CPLANE1: variants seen among roughly 807,000 people sequenced by gnomAD.
CPLANE1 encodes the protein ciliogenesis and planar polarity effector 1.
Under a neutral mutation model 362.5 loss-of-function variants are expected in CPLANE1, and 263 were observed. The ratio of observed to expected loss-of-function variants is 0.73; its 90% CI spans 0.66 to 0.80. The LOEUF (loss-of-function observed/expected upper bound fraction) is 0.80. Among genes scored for constraint, CPLANE1 ranks in the 30% least tolerant of loss-of-function variants. The pLI is 0.00. For synonymous variants in CPLANE1, 1,212 were observed against 1,302.6 expected (o/e 0.93, Z 1.50); for missense variants, 3,461 against 3,793.4 (o/e 0.91, Z 2.30).
chr5:37,184,682 A>T, intron 25 of CPLANE1, 106 bp downstream of exon 25: 1 of 847,710 alleles, frequency 1.2e-6, no homozygotes, highest in Middle Eastern at 3.6e-4. Flanking sequence ...TATTATTAAT[A>T]GCACAATCAG....
chr5:37,174,474 A>C (rs1239947357), intron 31 of CPLANE1, among the ~76,000 whole-genome samples: 1 of 152,216 alleles, frequency 6.6e-6, no homozygotes. Context: ...TTTCATTTCC[A>C]AGCAAACCTC....
chr5:37,238,656 C>T (rs1799600171), intron 8 of CPLANE1, among the ~76,000 whole-genome samples: 1 of 151,116 alleles, frequency 6.6e-6, no homozygotes, highest in African/African-American at 2.4e-5. Context: ...CCACCATGCT[C>T]GGCTAATTTC....
At chr5:37,137,241 C>T (rs992704576) in intron 46 of CPLANE1, among the ~76,000 whole-genome samples, 1 of 152,184 alleles carries the variant, frequency 6.6e-6, no homozygotes, top group Middle Eastern at 3.2e-3. Flanking sequence ...CTACCAGTCT[C>T]GTTGCTAAAA....
In CPLANE1 at chr5:37,108,452, A is replaced by G; in HGVS notation, c.9420T>C (p.His3140=). The part of the protein sequence containing the change: ...TFQKGSNAPC[H]SLQHTKKHGS... ...CATGTTTTTTTGTATGCTGCAGACT[A>G]TGACACGGAGCATTAGAGCCTTTTA... The change falls in exon 52 of 53, where the codon CAT becomes CAC. Residue 3140 remains histidine, a synonymous_variant. Coordinates refer to ENST00000651892, the MANE Select transcript of CPLANE1 (RefSeq NM_001384732.1). 1 of 1,613,958 alleles carries G rather than the reference A, an allele frequency of 6.2e-7. No individual in the cohort carries two copies. Among genetic ancestry groups the G allele is most frequent in the Non-Finnish European group, 8.5e-7 (1 of 1,179,954 alleles).
intron 6 of CPLANE1, among the ~76,000 whole-genome samples, chr5:37,241,483 A>G (rs1018502455): frequency 2.0e-5 from 3 of 152,104 alleles, no homozygotes; most frequent in Admixed American, 6.6e-5. Flanking sequence ...AGATAGATAG[A>G]TAGGTAGATA....
At chr5:37,127,519 T>TC in intron 46 of CPLANE1, among the ~76,000 whole-genome samples, 1 of 149,718 alleles carries the variant, frequency 6.7e-6, no homozygotes, top group African/African-American at 2.4e-5. Context: ...TATTTAATTT[T>TC]TTTTTTTTTT....
intron 26 of CPLANE1, 140 bp from the exon 27 acceptor site, chr5:37,181,145 T>A: frequency 2.6e-6 from 2 of 782,554 alleles, no homozygotes; most frequent in Non-Finnish European, 3.9e-6. Context: ...TTTCTACAAC[T>A]CAATATTTGT....
chr5:37,207,050 T>C (rs753208225), intron 16 of CPLANE1, among the ~76,000 whole-genome samples: 1 of 152,372 alleles, frequency 6.6e-6, no homozygotes, highest in Admixed American at 6.5e-5. Context: ...GACTAAATAA[T>C]AAGATTGCCA....
At chr5:37,104,795 C>T (rs1341973667), downstream of CPLANE1, among the ~76,000 whole-genome samples, 6 of 148,388 alleles carry the variant, frequency 4.0e-5, no homozygotes, top group Non-Finnish European at 7.5e-5. Flanking sequence ...TGGTGGCAGG[C>T]GCCTGTAGTC....
At chr5:37,132,047 T>C (rs1050821235) in intron 46 of CPLANE1, among the ~76,000 whole-genome samples, 4 of 152,162 alleles carry the variant, frequency 2.6e-5, no homozygotes, top group African/African-American at 9.7e-5. Flanking sequence ...GGTAACTAAA[T>C]GCATTAGTTT....
intron 9 of CPLANE1, among the ~76,000 whole-genome samples, chr5:37,230,233 A>G (rs1283156026): frequency 6.6e-6 from 1 of 151,806 alleles, no homozygotes; most frequent in African/African-American, 2.4e-5. Flanking sequence ...AAAAAAAAAA[A>G]AGAATAACTA....
Position 37,227,091 on chromosome 5 carries a change from A to G in CPLANE1, c.1522-18T>C. 4 of 1,528,618 alleles carry G rather than the reference A, an allele frequency of 2.6e-6. No individual in the cohort carries two copies. The highest frequency in any genetic ancestry group is 3.5e-6 in the Non-Finnish European group (4 of 1,137,474). The allele number at this position is 1,528,618 out of a possible 1,614,324, so 94.7% of individuals were successfully genotyped here. On this transcript the variant is annotated intron_variant, in intron 11 of 52. Transcript: ENST00000651892. ...TCAAAATCCTAAAACATGAGGGGAA[A>G]AAAATGATACTTAATACCATTTAAT... is the stretch of plus-strand genomic sequence containing the variant.
chr5:37,208,364 ACT>A (rs1791435496), intron 16 of CPLANE1, among the ~76,000 whole-genome samples: 1 of 151,968 alleles, frequency 6.6e-6, no homozygotes, highest in African/African-American at 2.4e-5. Flanking sequence ...GATGTATCCA[ACT>A]CTTTTTTGTT....
At chr5:37,228,470 T>C (rs961654879) in intron 9 of CPLANE1, among the ~76,000 whole-genome samples, 4 of 152,086 alleles carry the variant, frequency 2.6e-5, no homozygotes, top group African/African-American at 9.7e-5. Flanking sequence ...ATGGCAACAA[T>C]AGAAAGTTGG....
the CPLANE1 span, among the ~76,000 whole-genome samples, chr5:37,079,711 T>A: frequency 6.6e-6 from 1 of 152,178 alleles, no homozygotes; most frequent in Non-Finnish European, 1.5e-5. Context: ...TGAACACACA[T>A]GAATGGTCAG....
chr5:37,176,219 C>T (rs1485626939), intron 30 of CPLANE1: 1 of 372,604 alleles, frequency 2.7e-6, no homozygotes, highest in African/African-American at 2.1e-5. Flanking sequence ...ATACGGCTGA[C>T]TGCTCAGCAA....
chr5:37,086,437 C>T, the CPLANE1 span, among the ~76,000 whole-genome samples: 2 of 152,316 alleles, frequency 1.3e-5, no homozygotes, highest in South Asian at 4.2e-4. Flanking sequence ...AAACACAAAC[C>T]TTCTTGGAAG....
chr5:37,149,734 C>A (rs1772941020), intron 42 of CPLANE1, among the ~76,000 whole-genome samples: 1 of 151,948 alleles, frequency 6.6e-6, no homozygotes, highest in Admixed American at 6.6e-5. Flanking sequence ...TTATACTGTA[C>A]AGAAGGTAAC....
Position 37,226,729 on chromosome 5 carries a change from A to G in CPLANE1, c.1866T>C (p.Val622=), listed in dbSNP as rs774720783. The G allele has an allele frequency of 5.2e-6, 8 of 1,544,830 alleles. No homozygotes were observed. The African/African-American group carries it at 9.6e-5, about 19-fold the overall frequency. ...CATTATGTCTTGAGCTTTTGCTTAA[A>G]ACAAGATCAAGTTTAGGAAAAGGAC... ...IKCPFPKLDL[V]LSKSSRHNAW... The change falls in exon 12 of 53, where the codon GTT becomes GTC. Residue 622 remains valine (V), a synonymous_variant. Transcript: ENST00000651892.
Sources: gnomAD v4.1 joint callset for allele counts (sites outside exome capture counted in the v4.1 genomes callset) on GRCh38, gnomAD v4.1.1 for gene constraint, MANE v1.5 for transcripts, NCBI Gene and HGNC (gene_info 2026-07-23, HGNC 2026-07-21) for gene names.